MCF2L2: variants seen among roughly 807,000 people sequenced by gnomAD.
MCF2L2 encodes probable guanine nucleotide exchange factor MCF2L2.
Under a neutral mutation model 150.2 loss-of-function variants are expected in MCF2L2, and 102 were observed. The observed-to-expected ratio is 0.68, with a 90% CI of 0.58 to 0.80. The LOEUF (loss-of-function observed/expected upper bound fraction) is 0.80. Ranked by LOEUF, MCF2L2 falls within the 30% of genes least tolerant of loss-of-function variation. The pLI is 0.00. For synonymous variants in MCF2L2, 465 were observed against 491.3 expected (o/e 0.95, Z 0.71); for missense variants, 1,256 against 1,372.8 (o/e 0.91, Z 1.34).
chr3:183,296,849 G>T, intron 12 of MCF2L2, 127 bp downstream of exon 12: 1 of 1,048,566 alleles, frequency 9.5e-7, no homozygotes, highest in Non-Finnish European at 1.4e-6. Flanking sequence ...GAGGGCTTCG[G>T]AACCAGTGAG....
At chr3:183,426,080 T>C (rs1716150887) in intron 1 of MCF2L2, among the ~76,000 whole-genome samples, 1 of 152,182 alleles carries the variant, frequency 6.6e-6, no homozygotes. Flanking sequence ...GACAGAATCT[T>C]GCAAAGCACA....
intron 3 of MCF2L2, among the ~76,000 whole-genome samples, chr3:183,342,289 A>G (rs1454619837): frequency 1.3e-5 from 2 of 152,180 alleles, no homozygotes; most frequent in East Asian, 3.9e-4. Context: ...GAAGCACGGT[A>G]CAGAGGAAAG....
At chr3:183,193,629 C>T (rs1455117328) in intron 26 of MCF2L2, among the ~76,000 whole-genome samples, 1 of 152,112 alleles carries the variant, frequency 6.6e-6, no homozygotes, top group East Asian at 1.9e-4. Context: ...GATTACATGG[C>T]TACAAATCTT....
intron 3 of MCF2L2, among the ~76,000 whole-genome samples, chr3:183,361,779 T>G (rs549406351): frequency 6.6e-6 from 1 of 152,382 alleles, no homozygotes; most frequent in East Asian, 1.9e-4. Flanking sequence ...TATTAAATAC[T>G]TAAGTGTGAA....
intron 2 of MCF2L2, among the ~76,000 whole-genome samples, chr3:183,383,674 C>G (rs958628891): frequency 6.6e-6 from 1 of 152,200 alleles, no homozygotes; most frequent in Non-Finnish European, 1.5e-5. Context: ...TCTCATGTAG[C>G]TAGACATGCA....
chr3:183,321,677 A>G (rs1432889171), intron 6 of MCF2L2, among the ~76,000 whole-genome samples: 5 of 152,236 alleles, frequency 3.3e-5, no homozygotes, highest in Non-Finnish European at 7.3e-5. Flanking sequence ...ACACGACTGT[A>G]TGTGTGTGTA....
Position 183,242,511 on chromosome 3 carries a change from G to T in MCF2L2, c.1863-11494C>A, listed in dbSNP as rs895543314. Among the ~76,000 whole-genome samples, 4 of 152,242 alleles carry T rather than the reference G, an allele frequency of 2.6e-5. No homozygotes were observed. The East Asian group carries it at 7.7e-4, about 29-fold the overall frequency. ...GGCCAAGGTACAGCTCAGGCCATTGGTTCAGAGATGCAAGCCTCAAGCCTT... is the reference window on the plus strand; with the variant it reads ...GGCCAAGGTACAGCTCAGGCCATTGTTTCAGAGATGCAAGCCTCAAGCCTT... On this transcript the variant is annotated intron_variant, in intron 15 of 29. Transcript: ENST00000328913.
chr3:183,290,018 A>G (rs554960399), intron 13 of MCF2L2, among the ~76,000 whole-genome samples: 30 of 152,360 alleles, frequency 2.0e-4, no homozygotes, highest in African/African-American at 7.2e-4. Context: ...ACTAAATTCT[A>G]GGTACTACAT....
intron 15 of MCF2L2, among the ~76,000 whole-genome samples, chr3:183,239,994 C>A (rs970255276): frequency 6.6e-6 from 1 of 152,184 alleles, no homozygotes; most frequent in Non-Finnish European, 1.5e-5. Flanking sequence ...CCCTAAAACA[C>A]AGGTGTTGTT....
chr3:183,298,755 A>T (rs895784067), intron 11 of MCF2L2: 4 of 134,124 alleles, frequency 3.0e-5, no homozygotes, highest in Non-Finnish European at 4.6e-5. Context: ...TCTCTCTCTC[A>T]AACACACATG....
chr3:183,425,789 T>TA (rs1716131144), intron 1 of MCF2L2, among the ~76,000 whole-genome samples: 2 of 151,988 alleles, frequency 1.3e-5, no homozygotes, highest in African/African-American at 2.4e-5. Flanking sequence ...CCGTCTCTAC[T>TA]AAAAATACAA....
intron 1 of MCF2L2, among the ~76,000 whole-genome samples, chr3:183,414,026 C>T (rs1715454665): frequency 6.6e-6 from 1 of 152,040 alleles, no homozygotes; most frequent in Non-Finnish European, 1.5e-5. Flanking sequence ...AGAGATTTAG[C>T]CTATAGTTTG....
At chr3:183,255,480 C>T (rs80054626) in intron 15 of MCF2L2, among the ~76,000 whole-genome samples, 1 of 152,190 alleles carries the variant, frequency 6.6e-6, no homozygotes, top group Non-Finnish European at 1.5e-5. Flanking sequence ...CTCCCGCACA[C>T]GCTCTGAGCA....
At chr3:183,210,865 G>A (rs556065180) in intron 22 of MCF2L2, among the ~76,000 whole-genome samples, 1 of 152,182 alleles carries the variant, frequency 6.6e-6, no homozygotes, top group Non-Finnish European at 1.5e-5. Flanking sequence ...CAAGTAATCA[G>A]AGGATGTGAA....
chr3:183,390,800 G>A (rs1714100147), intron 1 of MCF2L2, among the ~76,000 whole-genome samples: 1 of 152,192 alleles, frequency 6.6e-6, no homozygotes, highest in African/African-American at 2.4e-5. Flanking sequence ...GGGAGGCTGA[G>A]GCAGGAGAAT....
In MCF2L2 at chr3:183,307,220, G is replaced by C. The variant is rs573979401; in HGVS notation, c.1113+2496C>G. On this transcript the variant is annotated intron_variant, in intron 10 of 29. Transcript: ENST00000328913. ...GCTGGCCCCTTAGTGCCGAGTAAAG[G>C]ACAAACTCCAGGCAGATATTTGTCA... is the stretch of plus-strand genomic sequence containing the variant. Among the ~76,000 whole-genome samples the C allele has an allele frequency of 2.6e-5, 4 of 152,306 alleles. No individual in the cohort carries two copies. In the South Asian group the frequency reaches 8.3e-4, roughly 32 times the overall value.
intron 3 of MCF2L2, among the ~76,000 whole-genome samples, chr3:183,357,336 C>T (rs1227046288): frequency 6.6e-6 from 1 of 152,162 alleles, no homozygotes; most frequent in Non-Finnish European, 1.5e-5. Context: ...GCTCCTGCTA[C>T]TAGCTTTTGC....
At chr3:183,350,865 C>T (rs1320107314) in intron 3 of MCF2L2, among the ~76,000 whole-genome samples, 1 of 150,068 alleles carries the variant, frequency 6.7e-6, no homozygotes, top group African/African-American at 2.5e-5. Flanking sequence ...GATAGCGCCA[C>T]GGCACTCCAG....
intron 21 of MCF2L2, among the ~76,000 whole-genome samples, chr3:183,218,131 T>C (rs1723011405): frequency 6.6e-6 from 1 of 152,244 alleles, no homozygotes; most frequent in African/African-American, 2.4e-5. Flanking sequence ...CAGGGTTTAA[T>C]ATTTTCTTAA....
Sources: gnomAD v4.1 joint callset for allele counts (sites outside exome capture counted in the v4.1 genomes callset) on GRCh38, gnomAD v4.1.1 for gene constraint, MANE v1.5 for transcripts, NCBI Gene and HGNC (gene_info 2026-07-23, HGNC 2026-07-21) for gene names.